Variants in DGCR2 observed in about 807,000 individuals in gnomAD.
DGCR2 encodes the protein DiGeorge syndrome critical region gene 2, also known as integral membrane protein DGCR2/IDD.
In DGCR2, 24 loss-of-function variants were observed where a neutral mutation model predicts 51.6. The observed-to-expected ratio is 0.47, with a 90% CI of 0.34 to 0.65. The LOEUF is 0.65. Among genes scored for constraint, DGCR2 ranks in the 30% least tolerant of loss-of-function variants. The pLI is 0.01. For synonymous variants in DGCR2, 340 were observed against 315.4 expected (o/e 1.08, Z -0.82); for missense variants, 765 against 772.1 (o/e 0.99, Z 0.11).
chr22:19,105,994 G>A (rs569883092), intron 1 of DGCR2, among the ~76,000 whole-genome samples: 2 of 151,682 alleles, frequency 1.3e-5, no homozygotes, highest in African/African-American at 2.4e-5. Flanking sequence ...CCACTGCCCC[G>A]TAGCACCAGC....
intron 1 of DGCR2, among the ~76,000 whole-genome samples, chr22:19,094,607 G>A (rs1284942817): frequency 6.6e-6 from 1 of 152,208 alleles, no homozygotes; most frequent in African/African-American, 2.4e-5. Context: ...AAAACTGAAT[G>A]TATACCTACC....
Position 19,063,217 on chromosome 22 carries a change from C to T in DGCR2, c.610G>A (p.Glu204Lys). Residue 204 changes from glutamate to lysine, a missense_variant, in exon 5 of 10, where the codon GAG becomes AAG. Coordinates refer to ENST00000263196, the MANE Select transcript of DGCR2 (RefSeq NM_005137.3). ...GRNRSLEGRW[E>K]VAFKGSSEVF... is the part of the protein sequence containing the mutation. ...AAGGGCTCACCTTTGAATGCCACCT[C>T]CCAGCGACCTTCCAAGGAGCGGTTC... 6.2e-7 allele frequency: 1 copy of T among 1,614,208 alleles called. No homozygotes were observed. The highest frequency in any genetic ancestry group is 8.5e-7 in the Non-Finnish European group (1 of 1,180,024).
intron 2 of DGCR2, among the ~76,000 whole-genome samples, chr22:19,083,198 C>T (rs1601252253): frequency 1.3e-5 from 2 of 152,172 alleles, no homozygotes; most frequent in South Asian, 4.1e-4. Flanking sequence ...AGTTAGGGAT[C>T]CAACTGCATC....
chr22:19,097,189 T>C (rs538570580), intron 1 of DGCR2, among the ~76,000 whole-genome samples: 2 of 152,166 alleles, frequency 1.3e-5, no homozygotes, highest in East Asian at 3.9e-4. Flanking sequence ...TGCTTCTAAG[T>C]AGTACTTGTC....
chr22:19,083,340 C>T (rs2082962616), intron 2 of DGCR2, among the ~76,000 whole-genome samples: 1 of 152,180 alleles, frequency 6.6e-6, no homozygotes. Flanking sequence ...ATTTGGATTT[C>T]CCTGAGCCAA....
chr22:19,108,436 T>G (rs1019476881), intron 1 of DGCR2, among the ~76,000 whole-genome samples: 3 of 151,412 alleles, frequency 2.0e-5, no homozygotes, highest in Admixed American at 6.6e-5. Context: ...TAGCCACATA[T>G]GATGGTGAAC....
chr22:19,063,392 G>C, intron 4 of DGCR2, 114 bp from the exon 5 acceptor site: 2 of 938,432 alleles, frequency 2.1e-6, no homozygotes, highest in Non-Finnish European at 1.6e-6. Flanking sequence ...CCAGGATGGA[G>C]TGCAGTGGTG....
chr22:19,043,804 C>G (rs1045122739), intron 7 of DGCR2, among the ~76,000 whole-genome samples: 1 of 152,222 alleles, frequency 6.6e-6, no homozygotes, highest in Non-Finnish European at 1.5e-5. Flanking sequence ...CACTCCATGC[C>G]CACACAGATG....
In DGCR2 at chr22:19,038,364, C is replaced by T. The variant is rs1240768713; in HGVS notation, c.*501G>A. On this transcript the variant is annotated 3_prime_UTR_variant, in exon 10 of 10. Transcript: ENST00000263196. ...TTGTGACAAAGTCAAGAGGCTGCCT[C>T]CCTGAAGCAGACCCACTGCCTACGC... 2 of 155,944 alleles carry T rather than the reference C, an allele frequency of 1.3e-5. No individual in the cohort carries two copies. The highest frequency in any genetic ancestry group is 4.8e-5 in the African/African-American group (2 of 41,506). The allele number at this position is 155,944 out of a possible 1,614,324, so 9.7% of individuals were successfully genotyped here.
intron 6 of DGCR2, chr22:19,056,384 A>G (rs1243794296): frequency 4.7e-5 from 19 of 404,382 alleles, no homozygotes; most frequent in Non-Finnish European, 7.3e-5. Flanking sequence ...CATCACACAC[A>G]TGATCCGCAA....
intron 5 of DGCR2, chr22:19,060,877 A>G (rs1486152232): frequency 1.9e-6 from 1 of 516,348 alleles, no homozygotes; most frequent in Non-Finnish European, 3.9e-6. Flanking sequence ...ACGAGCTCCC[A>G]ACTTCAAATG....
intron 4 of DGCR2, among the ~76,000 whole-genome samples, chr22:19,063,759 T>A (rs774972057): frequency 2.0e-5 from 3 of 152,140 alleles, no homozygotes; most frequent in Non-Finnish European, 4.4e-5. Context: ...TTGCCAAGAC[T>A]GTTTCTATGA....
rs2082403864 is a variant in DGCR2 at position 19,039,112 on chromosome 22, GCAT to G, written c.1403_1405del (p.Asp468del). On this transcript the variant is annotated inframe_deletion, in exon 10 of 10. Coordinates refer to ENST00000263196, the MANE Select transcript of DGCR2 (RefSeq NM_005137.3). ...CAGGCTGACCTCCACAGGCTCAAAA[GCAT>G]CATCGTCTGCAGGAAGAGACAGAGG... 1.9e-6 allele frequency: 3 copies of G among 1,612,962 alleles called. No homozygotes were observed. The highest frequency in any genetic ancestry group is 1.1e-5 in the South Asian group (1 of 91,082).
Position 19,122,303 on chromosome 22 carries a change from G to T in DGCR2, c.-97C>A. 4 of 1,011,392 alleles carry T rather than the reference G, an allele frequency of 4.0e-6. No individual in the cohort carries two copies. Among genetic ancestry groups the T allele is most frequent in the South Asian group, 1.9e-5 (1 of 51,536 alleles). 62.7% of individuals were successfully genotyped at this position (1,011,392 alleles called of 1,614,324 possible). A position where few individuals can be genotyped will look rare whatever the true frequency, so the allele number is the denominator to read the frequency against. ...GCCAAGCGGAGGGTCAGGCGGAGCT[G>T]AACCTGGGCGAGGCGCGGAGAGGCG... On this transcript the variant is annotated 5_prime_UTR_variant, in exon 1 of 10. Transcript: ENST00000263196.
At chr22:19,084,862 C>A (rs2082996215) in intron 2 of DGCR2, among the ~76,000 whole-genome samples, 1 of 151,850 alleles carries the variant, frequency 6.6e-6, no homozygotes, top group African/African-American at 2.4e-5. Context: ...GGGGGCGCCT[C>A]TGCCCAGCCG....
intron 1 of DGCR2, among the ~76,000 whole-genome samples, chr22:19,103,648 T>C (rs1352688645): frequency 6.7e-6 from 1 of 148,946 alleles, no homozygotes; most frequent in Non-Finnish European, 1.5e-5. Context: ...CAGGATGGTC[T>C]TGATCTCCTG....
At chr22:19,081,134 A>T (rs1382008129) in intron 2 of DGCR2, among the ~76,000 whole-genome samples, 1 of 152,200 alleles carries the variant, frequency 6.6e-6, no homozygotes, top group East Asian at 1.9e-4. Context: ...GAAAGGAAAA[A>T]AGCTGTATAA....
chr22:19,076,206 A>C (rs1029254170), intron 2 of DGCR2, among the ~76,000 whole-genome samples: 7 of 148,320 alleles, frequency 4.7e-5, no homozygotes, highest in Non-Finnish European at 6.0e-5. Context: ...TGTCACCCAG[A>C]CTGGAGTGCA....
At chr22:19,041,378 C>A (rs1025920426) in intron 8 of DGCR2, 84 bp from the exon 9 acceptor site, 13 of 1,395,870 alleles carry the variant, frequency 9.3e-6, no homozygotes, top group Admixed American at 8.6e-5. Flanking sequence ...CACCCCCAGG[C>A]TGGGCCTGCC....
Sources: gnomAD v4.1 joint callset for allele counts (sites outside exome capture counted in the v4.1 genomes callset) on GRCh38, gnomAD v4.1.1 for gene constraint, MANE v1.5 for transcripts, NCBI Gene and HGNC (gene_info 2026-07-23, HGNC 2026-07-21) for gene names.